Variants in MMP27 observed in about 807,000 individuals in gnomAD.
MMP27 encodes the protein matrix metalloproteinase-27.
A neutral mutation model predicts 48.1 loss-of-function variants in MMP27; 51 were observed. That is an observed-to-expected ratio of 1.06 (90% CI 0.85 to 1.34). The LOEUF (loss-of-function observed/expected upper bound fraction) is 1.34, where lower values mean the gene tolerates loss of function less well. Among genes scored for constraint, MMP27 ranks in the 40% most tolerant of loss-of-function variants. The pLI is 0.00. For missense variants in MMP27, 698 were observed against 619.3 expected (o/e 1.13, Z -1.35); for synonymous variants, 229 against 208.9 (o/e 1.10, Z -0.83).
At chr11:102,700,909 C>T (rs1860927908) in intron 4 of MMP27, among the ~76,000 whole-genome samples, 1 of 152,262 alleles carries the variant, frequency 6.6e-6, no homozygotes, top group Non-Finnish European at 1.5e-5. Context: ...GTCTGTTGCT[C>T]TTAAGCAAGT....
chr11:102,695,779 T>C (rs573627434), intron 6 of MMP27, among the ~76,000 whole-genome samples: 1 of 152,240 alleles, frequency 6.6e-6, no homozygotes, highest in South Asian at 2.1e-4. Context: ...GGTCATGGTC[T>C]ACATAACTGA....
chr11:102,703,528 CT>C (rs35092309), intron 2 of MMP27, among the ~76,000 whole-genome samples: 21,860 of 148,408 alleles, frequency 0.15, 1,944 homozygotes, highest in Non-Finnish European at 0.2. Context: ...ATATTAAGAA[CT>C]TTTTTTTTTT....
chr11:102,693,767 AG>A (rs1415633886), intron 8 of MMP27, 138 bp downstream of exon 8: 12 of 643,848 alleles, frequency 1.9e-5, no homozygotes, highest in Middle Eastern at 4.7e-4. Flanking sequence ...CCTGGGAGAC[AG>A]AGCAAGACTC....
In MMP27 at chr11:102,691,531, A is replaced by G; in HGVS notation, c.*235T>C. On this transcript the variant is annotated 3_prime_UTR_variant, in exon 10 of 10. Transcript: ENST00000260229. ...TTAATAAATGTTTCAGTATTCAGTT[A>G]TAAGACATGTCTTCTCCAAGTCCAC... The G allele has an allele frequency of 2.5e-6, 1 of 401,062 alleles. No homozygotes were observed. The highest frequency in any genetic ancestry group is 4.5e-6 in the Non-Finnish European group (1 of 223,762). The allele number at this position is 401,062 out of a possible 1,614,324, so 24.8% of individuals were successfully genotyped here.
At position 102,694,886 on chromosome 11, in the gene MMP27, A is replaced by T. The variant is rs1236979232; in HGVS notation, c.1033+81T>A. 5 of 1,550,034 alleles carry T rather than the reference A, an allele frequency of 3.2e-6. No individual in the cohort carries two copies. The South Asian group carries it at 3.5e-5, about 11-fold the overall frequency. ...CCTGCGCCTTGGCTCATGCATGAAG[A>T]TTTTATTTCTTACACCAAAATATCC... On this transcript the variant is annotated intron_variant, in intron 7 of 9. Coordinates refer to ENST00000260229, the MANE Select transcript of MMP27 (RefSeq NM_022122.3).
rs191928271 is a variant in MMP27, at chr11:102,704,868, T to A, written c.103-93A>T. The A allele has an allele frequency of 2.2e-4, 165 of 739,694 alleles. No individual in the cohort carries two copies. In the East Asian group the frequency reaches 4.2e-3, roughly 19 times the overall value. 45.8% of individuals were successfully genotyped at this position (739,694 alleles called of 1,614,324 possible). On this transcript the variant is annotated intron_variant, in intron 1 of 9. Transcript: ENST00000260229. ...ATAAAGCAAAATTGCCTAAAATTCCTTCTGGCAATAGGAAAGGGGAAAAAA... is the reference window on the plus strand; with the variant it reads ...ATAAAGCAAAATTGCCTAAAATTCCATCTGGCAATAGGAAAGGGGAAAAAA...
intron 4 of MMP27, among the ~76,000 whole-genome samples, chr11:102,701,519 A>T (rs1860939976): frequency 6.6e-6 from 1 of 152,202 alleles, no homozygotes; most frequent in South Asian, 2.1e-4. Context: ...GGTGAAACAC[A>T]CCCGCAGTGT....
At chr11:102,702,263 G>A (rs1860953647) in intron 4 of MMP27, among the ~76,000 whole-genome samples, 1 of 152,204 alleles carries the variant, frequency 6.6e-6, no homozygotes, top group South Asian at 2.1e-4. Context: ...GAGCCTCTAT[G>A]GGCTATGAAT....
chr11:102,700,027 C>T (rs973410809), intron 4 of MMP27, among the ~76,000 whole-genome samples: 1 of 152,202 alleles, frequency 6.6e-6, no homozygotes, highest in Non-Finnish European at 1.5e-5. Flanking sequence ...CCATAGTTTC[C>T]TTTATCTCAG....
chr11:102,705,045 C>T (rs372370170), intron 1 of MMP27, among the ~76,000 whole-genome samples: 1 of 152,182 alleles, frequency 6.6e-6, no homozygotes, highest in Admixed American at 6.5e-5. Flanking sequence ...GCTCTTAAAC[C>T]TCCACAGAAG....
rs981897272 is a variant in MMP27, at chr11:102,694,209, T to C, written c.1034-144A>G. ...TATGTCCACATTCATTCCTACCACT[T>C]TCTTTAGCTGCTCATATTATTTATA... On this transcript the variant is annotated intron_variant, in intron 7 of 9. Transcript: ENST00000260229. 1.3e-4 allele frequency: 65 copies of C among 507,230 alleles called. 1 individual carries two copies. The highest frequency in any genetic ancestry group is 1.0e-3 in the Middle Eastern group (2 of 1,966). 31.4% of individuals were successfully genotyped at this position (507,230 alleles called of 1,614,324 possible).
At chr11:102,701,218 C>G (rs1860933800) in intron 4 of MMP27, among the ~76,000 whole-genome samples, 1 of 152,052 alleles carries the variant, frequency 6.6e-6, no homozygotes, top group South Asian at 2.1e-4. Context: ...GGTTGCCCAC[C>G]CAGAACTTGG....
intron 2 of MMP27, 42 bp downstream of exon 2, chr11:102,704,495 G>C (rs745858713): frequency 7.1e-7 from 1 of 1,412,314 alleles, no homozygotes; most frequent in African/African-American, 1.4e-5. Flanking sequence ...TTATCTTTAT[G>C]TTCCTTTGGA....
intron 7 of MMP27, 82 bp from the exon 8 acceptor site, chr11:102,694,147 T>A: frequency 9.5e-7 from 1 of 1,047,912 alleles, no homozygotes; most frequent in Non-Finnish European, 1.3e-6. Context: ...AGATACCTAG[T>A]TCCTTTTAGC....
chr11:102,699,195 G>C (rs1245060752), intron 4 of MMP27, among the ~76,000 whole-genome samples: 1 of 152,086 alleles, frequency 6.6e-6, no homozygotes, highest in African/African-American at 2.4e-5. Flanking sequence ...GGCCTGGCGT[G>C]GTGGTTCACT....
At chr11:102,704,270 A>G (rs1271504625) in intron 2 of MMP27, among the ~76,000 whole-genome samples, 2 of 152,232 alleles carry the variant, frequency 1.3e-5, no homozygotes, top group African/African-American at 4.8e-5. Context: ...CAGAGGCTAG[A>G]GATGAGAGCA....
intron 4 of MMP27, among the ~76,000 whole-genome samples, chr11:102,700,211 T>A (rs549067152): frequency 2.0e-5 from 3 of 152,372 alleles, no homozygotes; most frequent in African/African-American, 7.2e-5. Flanking sequence ...TATTTACCAA[T>A]GATTTGTAGA....
At chr11:102,697,429 T>C (rs1860851439) in intron 4 of MMP27, among the ~76,000 whole-genome samples, 1 of 152,210 alleles carries the variant, frequency 6.6e-6, no homozygotes, top group Admixed American at 6.5e-5. Flanking sequence ...GTATAAACAC[T>C]AGACACTTAA....
At position 102,691,724 on chromosome 11, in the gene MMP27, T is replaced by G; in HGVS notation, c.*42A>C. 6.8e-7 allele frequency: 1 copy of G among 1,460,966 alleles called. No homozygotes were observed. The highest frequency in any genetic ancestry group is 9.2e-7 in the Non-Finnish European group (1 of 1,088,078). 90.5% of individuals were successfully genotyped at this position (1,460,966 alleles called of 1,614,324 possible). On this transcript the variant is annotated 3_prime_UTR_variant, in exon 10 of 10. Coordinates refer to ENST00000260229, the MANE Select transcript of MMP27 (RefSeq NM_022122.3). ...TTTTATTCTATTTTGAAGCAGAATT[T>G]ATATTAAAAGACCTGTTGAGGTTTA...
Sources: gnomAD v4.1 joint callset for allele counts (sites outside exome capture counted in the v4.1 genomes callset) on GRCh38, gnomAD v4.1.1 for gene constraint, MANE v1.5 for transcripts, NCBI Gene and HGNC (gene_info 2026-07-23, HGNC 2026-07-21) for gene names.